Variants in RRP15 observed in about 807,000 individuals in gnomAD.
RRP15 encodes RRP15-like protein.
RRP15 carries 18 observed loss-of-function variants against 27.1 expected under a neutral mutation model. That is an observed-to-expected ratio of 0.66 (90% confidence interval 0.46 to 0.98). The LOEUF (loss-of-function observed/expected upper bound fraction) is 0.98, where lower values mean the gene tolerates loss of function less well. Ranked by LOEUF, RRP15 falls within the 50% of genes least tolerant of loss-of-function variation. The pLI is 0.00. For synonymous variants in RRP15, 107 were observed against 109.4 expected (o/e 0.98, Z 0.14); for missense variants, 359 against 337.8 (o/e 1.06, Z -0.49).
chr1:218,285,572 T>C, intron 1 of RRP15, 117 bp downstream of exon 1: 1 of 1,341,438 alleles, frequency 7.5e-7, no homozygotes, highest in Non-Finnish European at 1.0e-6. Flanking sequence ...TTGGCACCAC[T>C]TCAGAGGGGC....
At position 218,336,110 on chromosome 1, in the gene RRP15, T is replaced by C. The variant is rs12060734; in HGVS notation, c.*5019T>C. On this transcript the variant is annotated 3_prime_UTR_variant, in exon 5 of 5. Transcript: ENST00000366932. ...AGTGAATTCCCATGTTTTTCACTTATATCTAGAGGCCTACTTATTTAGGAG... is the reference window on the plus strand; with the variant it reads ...AGTGAATTCCCATGTTTTTCACTTACATCTAGAGGCCTACTTATTTAGGAG... The C allele has an allele frequency of 0.03, 4,612 of 152,244 alleles. 92 individuals carry two copies. Among genetic ancestry groups the C allele is most frequent in the East Asian group, 0.076 (393 of 5,168 alleles). The allele number at this position is 152,244 out of a possible 1,614,324, so 9.4% of individuals were successfully genotyped here.
At position 218,332,679 on chromosome 1, in the gene RRP15, TATC is replaced by T. The variant is rs1656391780; in HGVS notation, c.*1590_*1592del. 1 of 152,140 alleles carries T rather than the reference TATC, an allele frequency of 6.6e-6. No homozygotes were observed. Among genetic ancestry groups the T allele is most frequent in the Non-Finnish European group, 1.5e-5 (1 of 68,020 alleles). 9.4% of individuals were successfully genotyped at this position (152,140 alleles called of 1,614,324 possible). A position where few individuals can be genotyped will look rare whatever the true frequency, so the allele number is the denominator to read the frequency against. On this transcript the variant is annotated 3_prime_UTR_variant, in exon 5 of 5. Coordinates refer to ENST00000366932, the MANE Select transcript of RRP15 (RefSeq NM_016052.4). ...CATAAAGGAAGATGTACACCTAAGGTATCAAGTGGTTAAAACAGCAAAGTACAA... is the reference window on the plus strand; with the variant it reads ...CATAAAGGAAGATGTACACCTAAGGTAAGTGGTTAAAACAGCAAAGTACAA...
At position 218,337,932 on chromosome 1, in the gene RRP15, C is replaced by T. The variant is rs1656474539; in HGVS notation, c.*6841C>T. 6.6e-6 allele frequency: 1 copy of T among 152,090 alleles called. No homozygotes were observed. Among genetic ancestry groups the T allele is most frequent in the Non-Finnish European group, 1.5e-5 (1 of 68,008 alleles). 9.4% of individuals were successfully genotyped at this position (152,090 alleles called of 1,614,324 possible). A position where few individuals can be genotyped will look rare whatever the true frequency, so the allele number is the denominator to read the frequency against. On this transcript the variant is annotated 3_prime_UTR_variant, in exon 5 of 5. Coordinates refer to ENST00000366932, the MANE Select transcript of RRP15 (RefSeq NM_016052.4). The stretch of plus-strand genomic sequence containing the variant: ...AAAATTTGACTCCCTTTCCATGTGT[C>T]CACTGTTTCCTTGTGCCTTTTGATT...
chr1:218,327,462 G>C (rs376303107), intron 4 of RRP15, among the ~76,000 whole-genome samples: 18 of 152,026 alleles, frequency 1.2e-4, no homozygotes, highest in African/African-American at 4.3e-4. Context: ...GCTATCATGC[G>C]TAGGCTATTT....
chr1:218,309,732 T>C, intron 4 of RRP15, among the ~76,000 whole-genome samples: 1 of 150,870 alleles, frequency 6.6e-6, no homozygotes, highest in East Asian at 2.0e-4. Context: ...TGCCTGTTTC[T>C]ACCAGGTGTT....
chr1:218,288,078 G>GGC (rs1655578175), intron 1 of RRP15, among the ~76,000 whole-genome samples: 2 of 152,200 alleles, frequency 1.3e-5, no homozygotes, highest in African/African-American at 4.8e-5. Flanking sequence ...GTTAAAAGTA[G>GGC]ATTATAAAGG....
chr1:218,310,104 G>A (rs1044865431), intron 4 of RRP15, among the ~76,000 whole-genome samples: 3 of 152,136 alleles, frequency 2.0e-5, no homozygotes, highest in African/African-American at 7.2e-5. Context: ...TAAAGGAAGA[G>A]ATTAAGAAAG....
intron 4 of RRP15, among the ~76,000 whole-genome samples, chr1:218,327,897 T>C (rs1656300190): frequency 6.6e-6 from 1 of 152,220 alleles, no homozygotes; most frequent in Admixed American, 6.5e-5. Flanking sequence ...ACAAAAACCA[T>C]CACTAAGAAA....
intron 4 of RRP15, among the ~76,000 whole-genome samples, chr1:218,316,296 G>A (rs765371499): frequency 2.4e-4 from 36 of 152,122 alleles, no homozygotes; most frequent in Non-Finnish European, 4.3e-4. Context: ...GAATAAATGT[G>A]CTATTTGAAG....
In RRP15 at chr1:218,330,988, T is replaced by A; in HGVS notation, c.746T>A (p.Leu249Gln). The A allele has an allele frequency of 6.2e-7, 1 of 1,613,748 alleles. No individual in the cohort carries two copies. The highest frequency in any genetic ancestry group is 8.5e-7 in the Non-Finnish European group (1 of 1,179,670). The change falls in exon 5 of 5, where the codon CTA becomes CAA. Residue 249 changes from leucine to glutamine, a missense_variant. Transcript: ENST00000366932. ...KSEEGPGWTI[L>Q]RDDFMMGASM... ...GAAGAAGGCCCAGGTTGGACGATCC[T>A]ACGTGATGATTTCATGATGGGAGCA...
chr1:218,297,688 TA>T (rs1402356372), intron 1 of RRP15, among the ~76,000 whole-genome samples: 1 of 152,160 alleles, frequency 6.6e-6, no homozygotes, highest in Non-Finnish European at 1.5e-5. Flanking sequence ...TGAAGGAAGT[TA>T]AAGGTTAACC....
At chr1:218,292,482 G>A (rs146226128) in intron 1 of RRP15, among the ~76,000 whole-genome samples, 14 of 152,332 alleles carry the variant, frequency 9.2e-5, no homozygotes, top group Admixed American at 3.9e-4. Context: ...CAATGAGAAA[G>A]TTAAAACAAG....
At position 218,307,710 on chromosome 1, in the gene RRP15, A is replaced by G. The variant is rs1655922838; in HGVS notation, c.705+78A>G. On this transcript the variant is annotated intron_variant, in intron 4 of 4. Coordinates refer to ENST00000366932, the MANE Select transcript of RRP15 (RefSeq NM_016052.4). ...GTCTTGAGATGGAAAACCAGACTAT[A>G]GAATTACAGAGTTTTGTGTTTTTTT... The G allele has an allele frequency of 6.4e-6, 6 of 941,076 alleles. No homozygotes were observed. The South Asian group carries it at 8.0e-5, about 12-fold the overall frequency. 58.3% of individuals were successfully genotyped at this position (941,076 alleles called of 1,614,324 possible). A position where few individuals can be genotyped will look rare whatever the true frequency, so the allele number is the denominator to read the frequency against.
rs1304823539 is a variant in RRP15, at chr1:218,336,844, T to G, written c.*5753T>G. 6.6e-6 allele frequency: 1 copy of G among 152,188 alleles called. No individual in the cohort carries two copies. Among genetic ancestry groups the G allele is most frequent in the East Asian group, 1.9e-4 (1 of 5,200 alleles). 9.4% of individuals were successfully genotyped at this position (152,188 alleles called of 1,614,324 possible). On this transcript the variant is annotated 3_prime_UTR_variant, in exon 5 of 5. Coordinates refer to ENST00000366932, the MANE Select transcript of RRP15 (RefSeq NM_016052.4). Reference sequence around the variant, plus strand: ...AAATGCCAGGAACACCAGGGTAGATTGCATGAGACATGACTGCCGTATCTT... The same window carrying G: ...AAATGCCAGGAACACCAGGGTAGATGGCATGAGACATGACTGCCGTATCTT...
intron 4 of RRP15, among the ~76,000 whole-genome samples, chr1:218,324,169 C>T (rs972979504): frequency 5.3e-5 from 8 of 152,164 alleles, no homozygotes; most frequent in Non-Finnish European, 1.2e-4. Flanking sequence ...AGTCTGGCCC[C>T]ATCGCTGTGA....
At chr1:218,286,928 A>C (rs951949669) in intron 1 of RRP15, among the ~76,000 whole-genome samples, 2 of 152,126 alleles carry the variant, frequency 1.3e-5, no homozygotes, top group Non-Finnish European at 2.9e-5. Context: ...ATTTGGAGCA[A>C]AATGTCAGTA....
In RRP15 at chr1:218,328,327, C is replaced by T. The variant is rs114513833; in HGVS notation, c.706-2621C>T. On this transcript the variant is annotated intron_variant, in intron 4 of 4. Transcript: ENST00000366932. The stretch of plus-strand genomic sequence containing the variant: ...CACCATTTTAATTAGTGAATTCCTT[C>T]CTTTGGTCTACTATTGTTCCTTTCT... 8.7e-3 allele frequency among the ~76,000 whole-genome samples: 1,321 copies of T among 152,248 alleles called. 21 individuals carry two copies. The highest frequency in any genetic ancestry group is 0.029 in the African/African-American group (1,220 of 41,542).
chr1:218,285,800 T>C (rs931893627), intron 1 of RRP15, among the ~76,000 whole-genome samples: 1 of 151,540 alleles, frequency 6.6e-6, no homozygotes, highest in Non-Finnish European at 1.5e-5. Context: ...ATGGGTCTCA[T>C]AGGGTGTAAG....
At chr1:218,296,044 G>A (rs1408355542) in intron 1 of RRP15, among the ~76,000 whole-genome samples, 4 of 152,256 alleles carry the variant, frequency 2.6e-5, no homozygotes, top group African/African-American at 7.2e-5. Context: ...AGAGAGCCTT[G>A]AATAACTAGG....
Sources: allele counts gnomAD v4.1 joint callset (sites outside exome capture counted in the v4.1 genomes callset), GRCh38; gene constraint gnomAD v4.1.1; transcripts MANE v1.5; gene names NCBI Gene and HGNC (gene_info 2026-07-23, HGNC 2026-07-21).